WDR12: variants seen among roughly 807,000 people sequenced by gnomAD.
WDR12 encodes the protein WD repeat domain 12, also known as ribosome biogenesis protein WDR12.
Under a neutral mutation model 64.3 loss-of-function variants are expected in WDR12, and 42 were observed. That is an observed-to-expected ratio of 0.65 (90% CI 0.51 to 0.84). The LOEUF is 0.84. WDR12 is among the 40% of genes least tolerant of loss of function. The pLI is 0.00. For missense variants in WDR12, 469 were observed against 494.6 expected (o/e 0.95, Z 0.49); for synonymous variants, 158 against 173.3 (o/e 0.91, Z 0.70).
At chr2:202,895,517 C>CTTTTTTTTTTT (rs901435872) in intron 6 of WDR12, among the ~76,000 whole-genome samples, 4 of 111,538 alleles carry the variant, frequency 3.6e-5, no homozygotes, top group Admixed American at 9.4e-5. Flanking sequence ...TCATTTCTTT[C>CTTTTTTTTTTT]TTTTTTTTTT....
intron 1 of WDR12, among the ~76,000 whole-genome samples, chr2:202,910,611 T>A (rs1163713176): frequency 6.6e-6 from 1 of 152,100 alleles, no homozygotes; most frequent in Admixed American, 6.5e-5. Context: ...TACTTTCAAT[T>A]AAAAAACACA....
At chr2:202,896,010 G>C in intron 6 of WDR12, 55 bp downstream of exon 6, 1 of 1,571,250 alleles carries the variant, frequency 6.4e-7, no homozygotes, top group Middle Eastern at 1.8e-4. Flanking sequence ...AAAATGTTTA[G>C]CAACAAGCTC....
Position 202,911,508 on chromosome 2 carries a change from AC to A in WDR12, c.-33del. 1 of 1,612,320 alleles carries A rather than the reference AC, an allele frequency of 6.2e-7. No individual in the cohort carries two copies. The highest frequency in any genetic ancestry group is 8.5e-7 in the Non-Finnish European group (1 of 1,178,340). The stretch of plus-strand genomic sequence containing the variant: ...GAGTACACACGACTTGCCCACGGAA[AC>A]GTACGGGTTAGCAGACCCACAACAC... On this transcript the variant is annotated 5_prime_UTR_variant, in exon 1 of 13. Coordinates refer to ENST00000261015, the MANE Select transcript of WDR12 (RefSeq NM_018256.4).
rs1196258706 is a variant in WDR12, at chr2:202,880,063, A to C, written c.*797T>G. ...AGCCTACATTTTTTTTAATGTTCTG[A>C]GTACCCTCACAGCCTAATTTTCTTG... On this transcript the variant is annotated 3_prime_UTR_variant, in exon 13 of 13. Transcript: ENST00000261015. 6.6e-6 allele frequency: 1 copy of C among 152,090 alleles called. No homozygotes were observed. 9.4% of individuals were successfully genotyped at this position (152,090 alleles called of 1,614,324 possible).
At chr2:202,884,616 A>G in intron 8 of WDR12, 81 bp from the exon 9 acceptor site, 1 of 1,428,658 alleles carries the variant, frequency 7.0e-7, no homozygotes, top group Non-Finnish European at 9.3e-7. Context: ...TTACTTACAA[A>G]GCCCACATGA....
Position 202,894,596 on chromosome 2 carries a change from T to G in WDR12, c.640A>C (p.Lys214Gln), listed in dbSNP as rs1438845670. The part of the protein sequence containing the change: ...FCSGSWDKML[K>Q]IWSTVPTDEE... ...TTTAATTTACCTGTAGACCAGATCT[T>G]TAGCATCTTATCCCAGGAGCCACTG... The change falls in exon 7 of 13, where the codon AAG becomes CAG. Residue 214 changes from lysine (K) to glutamine (Q), a missense_variant. Physicochemically the swap from Lys to Gln is moderately conservative, Grantham distance 53. Transcript: ENST00000261015. 1.2e-6 allele frequency: 2 copies of G among 1,607,206 alleles called. No individual in the cohort carries two copies. The highest frequency in any genetic ancestry group is 1.7e-6 in the Non-Finnish European group (2 of 1,177,308).
intron 2 of WDR12, among the ~76,000 whole-genome samples, chr2:202,901,748 G>C (rs1688352837): frequency 6.6e-6 from 1 of 152,050 alleles, no homozygotes; most frequent in Admixed American, 6.5e-5. Context: ...GGGTTTTGTT[G>C]ACTCCATCTC....
chr2:202,902,286 C>A (rs1226051828), intron 2 of WDR12, among the ~76,000 whole-genome samples: 1 of 152,150 alleles, frequency 6.6e-6, no homozygotes, highest in Non-Finnish European at 1.5e-5. Context: ...TAAGATTTAT[C>A]CCAGGGATGC....
Position 202,911,647 on chromosome 2 carries a change from G to A in WDR12, c.-171C>T. 1.5e-6 allele frequency: 1 copy of A among 650,194 alleles called. No homozygotes were observed. The highest frequency in any genetic ancestry group is 1.8e-5 in the South Asian group (1 of 56,264). 40.3% of individuals were successfully genotyped at this position (650,194 alleles called of 1,614,324 possible). A position where few individuals can be genotyped will look rare whatever the true frequency, so the allele number is the denominator to read the frequency against. The stretch of plus-strand genomic sequence containing the variant: ...TGCCTTCTGCCCTCCGGTCTCCTCT[G>A]CAGAAAGCACGAGGTTGCCCTTCTA... On this transcript the variant is annotated 5_prime_UTR_variant, in exon 1 of 13. Transcript: ENST00000261015.
At chr2:202,887,907 A>AAAAG (rs1386432858) in intron 8 of WDR12, among the ~76,000 whole-genome samples, 1 of 151,692 alleles carries the variant, frequency 6.6e-6, no homozygotes, top group Non-Finnish European at 1.5e-5. Flanking sequence ...AAAAAAAAAA[A>AAAAG]AAAAAAGAAA....
chr2:202,911,213 C>G (rs1272212699), intron 1 of WDR12, among the ~76,000 whole-genome samples: 1 of 152,148 alleles, frequency 6.6e-6, no homozygotes, highest in African/African-American at 2.4e-5. Context: ...TTAAATTACA[C>G]ATATAAAATG....
chr2:202,887,035 T>C (rs78388730), intron 8 of WDR12, among the ~76,000 whole-genome samples: 1 of 152,244 alleles, frequency 6.6e-6, no homozygotes, highest in Non-Finnish European at 1.5e-5. Context: ...TTTTGTTTTT[T>C]GTTTTTTTGA....
chr2:202,884,156 G>C, intron 10 of WDR12, 42 bp downstream of exon 10: 2 of 1,574,420 alleles, frequency 1.3e-6, no homozygotes, highest in Non-Finnish European at 1.7e-6. Flanking sequence ...AGAAATAGAT[G>C]TTATTCACAC....
chr2:202,889,872 A>G (rs1231180872), intron 8 of WDR12, among the ~76,000 whole-genome samples: 2 of 151,028 alleles, frequency 1.3e-5, no homozygotes, highest in Non-Finnish European at 3.0e-5. Flanking sequence ...AGCCATGATT[A>G]TGCCACTGCA....
At chr2:202,899,311 T>C (rs1688308069) in intron 4 of WDR12, among the ~76,000 whole-genome samples, 1 of 152,156 alleles carries the variant, frequency 6.6e-6, no homozygotes, top group Admixed American at 6.6e-5. Flanking sequence ...CCCAAAGTGC[T>C]GGGATTACAG....
At chr2:202,893,046 A>G (rs188882476) in intron 7 of WDR12, among the ~76,000 whole-genome samples, 2 of 152,234 alleles carry the variant, frequency 1.3e-5, no homozygotes, top group Non-Finnish European at 2.9e-5. Flanking sequence ...CATTACATTT[A>G]CATTATGAAG....
chr2:202,890,208 G>A (rs549643488), intron 8 of WDR12, among the ~76,000 whole-genome samples: 1 of 152,214 alleles, frequency 6.6e-6, no homozygotes, highest in East Asian at 1.9e-4. Context: ...CAGCCTGGGT[G>A]ACAGAGTGAG....
chr2:202,893,149 G>T (rs185809224), intron 7 of WDR12, among the ~76,000 whole-genome samples: 2 of 151,824 alleles, frequency 1.3e-5, no homozygotes, highest in East Asian at 3.9e-4. Context: ...AATGTTTCTG[G>T]TTTTTTTGAG....
At chr2:202,905,324 G>A (rs1019553166) in intron 2 of WDR12, among the ~76,000 whole-genome samples, 1 of 152,158 alleles carries the variant, frequency 6.6e-6, no homozygotes, top group African/African-American at 2.4e-5. Flanking sequence ...TTTTGTATTT[G>A]TAGTAGAGAT....
Sources: gnomAD v4.1 joint callset for allele counts (sites outside exome capture counted in the v4.1 genomes callset) on GRCh38, gnomAD v4.1.1 for gene constraint, MANE v1.5 for transcripts, NCBI Gene and HGNC (gene_info 2026-07-23, HGNC 2026-07-21) for gene names.